KCNH7: variants seen among roughly 807,000 people sequenced by gnomAD.
The protein encoded by KCNH7 is voltage-gated inwardly rectifying potassium channel KCNH7.
Under a neutral mutation model 120.8 loss-of-function variants are expected in KCNH7, and 49 were observed. That is an observed-to-expected ratio of 0.41 (90% CI 0.32 to 0.51). The LOEUF is 0.51. Among genes scored for constraint, KCNH7 ranks in the 20% least tolerant of loss-of-function variants. The pLI, the probability that KCNH7 is intolerant of heterozygous loss-of-function variation, is 0.38. For synonymous variants in KCNH7, 547 were observed against 516.1 expected, an observed-to-expected ratio of 1.06 and a Z score of -0.81; for missense variants, 1,097 against 1,446.6, an observed-to-expected ratio of 0.76 and a Z score of 3.92.
chr2:162,669,738 AG>A (rs1334814454), intron 2 of KCNH7, among the ~76,000 whole-genome samples: 1 of 152,162 alleles, frequency 6.6e-6, no homozygotes, highest in Non-Finnish European at 1.5e-5. Flanking sequence ...TGCATAGGAC[AG>A]CCCCCCACCC....
chr2:162,459,784 G>T (rs1430237633), intron 6 of KCNH7, among the ~76,000 whole-genome samples: 2 of 152,036 alleles, frequency 1.3e-5, no homozygotes, highest in East Asian at 3.9e-4. Context: ...AAGGAAGGGT[G>T]GGGTGAATAG....
At chr2:162,825,494 AC>A (rs1443748195) in intron 2 of KCNH7, among the ~76,000 whole-genome samples, 1 of 152,058 alleles carries the variant, frequency 6.6e-6, no homozygotes, top group African/African-American at 2.4e-5. Context: ...TTAAATATAT[AC>A]CTTTTTGCTG....
chr2:162,671,523 C>G (rs1329930134), intron 2 of KCNH7, among the ~76,000 whole-genome samples: 2 of 151,452 alleles, frequency 1.3e-5, no homozygotes, highest in Non-Finnish European at 2.9e-5. Context: ...CATGGACATA[C>G]AAAGTGAAAT....
At chr2:162,600,423 G>A (rs1328262249) in intron 2 of KCNH7, among the ~76,000 whole-genome samples, 1 of 151,982 alleles carries the variant, frequency 6.6e-6, no homozygotes, top group African/African-American at 2.4e-5. Flanking sequence ...ATAATTTGGG[G>A]GTGGACAATT....
chr2:162,837,976 G>A (rs1317646902), intron 1 of KCNH7, among the ~76,000 whole-genome samples: 1 of 152,160 alleles, frequency 6.6e-6, no homozygotes, highest in Non-Finnish European at 1.5e-5. Flanking sequence ...GCAAGCATCC[G>A]TGTCATACCA....
intron 2 of KCNH7, among the ~76,000 whole-genome samples, chr2:162,742,994 T>G (rs961051643): frequency 6.6e-6 from 1 of 152,204 alleles, no homozygotes; most frequent in Non-Finnish European, 1.5e-5. Flanking sequence ...ACACAGGTTA[T>G]GGGGACCCAG....
intron 2 of KCNH7, among the ~76,000 whole-genome samples, chr2:162,762,710 A>C (rs1689008932): frequency 6.6e-6 from 1 of 152,106 alleles, no homozygotes; most frequent in Non-Finnish European, 1.5e-5. Context: ...TCATAGTGTC[A>C]GTATATGCCT....
intron 2 of KCNH7, among the ~76,000 whole-genome samples, chr2:162,690,648 C>T (rs562882194): frequency 6.6e-6 from 1 of 152,182 alleles, no homozygotes; most frequent in South Asian, 2.1e-4. Flanking sequence ...CAATGGCTCT[C>T]TGAAGAATCT....
intron 2 of KCNH7, among the ~76,000 whole-genome samples, chr2:162,735,573 C>T (rs1327875074): frequency 6.6e-6 from 1 of 152,086 alleles, no homozygotes; most frequent in Non-Finnish European, 1.5e-5. Flanking sequence ...AAACCTTCTA[C>T]CTTGTCCTGA....
At chr2:162,452,648 T>C (rs1430403023) in intron 6 of KCNH7, among the ~76,000 whole-genome samples, 1 of 152,050 alleles carries the variant, frequency 6.6e-6, no homozygotes, top group African/African-American at 2.4e-5. Flanking sequence ...CTTAGCTACA[T>C]TGCTCATTAA....
At chr2:162,472,392 G>GA (rs1184070764) in intron 6 of KCNH7, among the ~76,000 whole-genome samples, 1 of 151,946 alleles carries the variant, frequency 6.6e-6, no homozygotes, top group Non-Finnish European at 1.5e-5. Flanking sequence ...AAATTTACAA[G>GA]AAAAAAACAA....
intron 2 of KCNH7, among the ~76,000 whole-genome samples, chr2:162,691,034 C>T (rs1247011722): frequency 1.3e-5 from 2 of 152,108 alleles, no homozygotes; most frequent in Non-Finnish European, 2.9e-5. Flanking sequence ...GGGCTATTTC[C>T]ATCCATGAAT....
intron 2 of KCNH7, among the ~76,000 whole-genome samples, chr2:162,798,936 G>C (rs1684243186): frequency 6.6e-6 from 1 of 151,914 alleles, no homozygotes; most frequent in African/African-American, 2.4e-5. Flanking sequence ...CAAAAGACCA[G>C]ACATCCAGTG....
intron 2 of KCNH7, among the ~76,000 whole-genome samples, chr2:162,697,089 A>G (rs2105336886): frequency 6.6e-6 from 1 of 152,330 alleles, no homozygotes; most frequent in African/African-American, 2.4e-5. Flanking sequence ...GAAGTTTGTA[A>G]CCACCAATAA....
intron 3 of KCNH7, among the ~76,000 whole-genome samples, chr2:162,532,831 A>G (rs145421718): frequency 6.6e-5 from 10 of 152,066 alleles, no homozygotes; most frequent in African/African-American, 2.4e-4. Flanking sequence ...AGAAGAAAAT[A>G]GATAAGCTCA....
intron 2 of KCNH7, among the ~76,000 whole-genome samples, chr2:162,702,338 G>T (rs1686539718): frequency 6.6e-6 from 1 of 152,066 alleles, no homozygotes; most frequent in Non-Finnish European, 1.5e-5. Flanking sequence ...ATTATGCACA[G>T]ATAAACCACA....
chr2:162,807,681 T>C (rs898515067), intron 2 of KCNH7, among the ~76,000 whole-genome samples: 2 of 151,970 alleles, frequency 1.3e-5, no homozygotes, highest in African/African-American at 4.8e-5. Context: ...ATTTTTTGTT[T>C]TGTTTTGTTT....
intron 2 of KCNH7, among the ~76,000 whole-genome samples, chr2:162,698,819 A>G (rs1363711239): frequency 6.6e-6 from 1 of 151,934 alleles, no homozygotes; most frequent in Non-Finnish European, 1.5e-5. Flanking sequence ...AATACCCCCT[A>G]TGTTATAATT....
chr2:162,806,077 T>C (rs1218938808), intron 2 of KCNH7, among the ~76,000 whole-genome samples: 1 of 152,034 alleles, frequency 6.6e-6, no homozygotes, highest in African/African-American at 2.4e-5. Context: ...CTTTGGAGAC[T>C]AAGGAGGGGG....
Sources: allele counts gnomAD v4.1 joint callset (sites outside exome capture counted in the v4.1 genomes callset), GRCh38; gene constraint gnomAD v4.1.1; transcripts MANE v1.5; gene names NCBI Gene and HGNC (gene_info 2026-07-23, HGNC 2026-07-21).